Variants in IFT80 observed in about 807,000 individuals in gnomAD.
IFT80 encodes intraflagellar transport 80.
A neutral mutation model predicts 107.9 loss-of-function variants in IFT80; 79 were observed. The observed-to-expected ratio is 0.73, with a 90% confidence interval of 0.61 to 0.88. The LOEUF (loss-of-function observed/expected upper bound fraction) is 0.88. IFT80 is among the 40% of genes least tolerant of loss of function. The pLI is 0.00. For missense variants in IFT80, 797 were observed against 914.2 expected (o/e 0.87, Z 1.65); for synonymous variants, 299 against 300.9 (o/e 0.99, Z 0.07).
chr3:160,305,372 A>G (rs1478790908), intron 10 of IFT80, among the ~76,000 whole-genome samples: 1 of 152,178 alleles, frequency 6.6e-6, no homozygotes, highest in Non-Finnish European at 1.5e-5. Context: ...AATTACTGCT[A>G]ATAATTAGTG....
intron 1 of IFT80, among the ~76,000 whole-genome samples, chr3:160,398,314 T>C (rs1714018955): frequency 6.6e-6 from 1 of 152,122 alleles, no homozygotes; most frequent in African/African-American, 2.4e-5. Flanking sequence ...AGAACCATAA[T>C]GTATTTAGAG....
intron 18 of IFT80, among the ~76,000 whole-genome samples, chr3:160,269,788 A>G (rs1713655868): frequency 1.3e-5 from 2 of 152,188 alleles, no homozygotes; most frequent in Admixed American, 6.5e-5. Flanking sequence ...GTTTCAAAAT[A>G]AGATAACAGT....
intron 12 of IFT80, among the ~76,000 whole-genome samples, chr3:160,299,600 T>C (rs1199960922): frequency 6.6e-6 from 1 of 152,220 alleles, no homozygotes; most frequent in Non-Finnish European, 1.5e-5. Flanking sequence ...TAATTACTGA[T>C]GTGCTGTGTT....
At chr3:160,290,659 C>T (rs1008423397) in intron 12 of IFT80, among the ~76,000 whole-genome samples, 10 of 152,176 alleles carry the variant, frequency 6.6e-5, no homozygotes, top group African/African-American at 2.2e-4. Flanking sequence ...CGGCTCACTG[C>T]GAACTCTGCC....
chr3:160,278,631 C>T (rs946241880), intron 16 of IFT80, among the ~76,000 whole-genome samples: 2 of 152,050 alleles, frequency 1.3e-5, no homozygotes, highest in South Asian at 2.1e-4. Flanking sequence ...TGACAAACTC[C>T]GGGTATTTAC....
At chr3:160,391,123 T>C (rs1215040321) in intron 1 of IFT80, among the ~76,000 whole-genome samples, 1 of 152,210 alleles carries the variant, frequency 6.6e-6, no homozygotes, top group East Asian at 1.9e-4. Context: ...GGGGTAGCCC[T>C]GCTCCGCAAG....
chr3:160,312,277 T>A (rs1053980404), intron 9 of IFT80, among the ~76,000 whole-genome samples: 1 of 151,846 alleles, frequency 6.6e-6, no homozygotes, highest in East Asian at 1.9e-4. Flanking sequence ...ACTACACATA[T>A]GAAGCCCCAT....
chr3:160,266,896 G>A (rs1713377032), intron 19 of IFT80, among the ~76,000 whole-genome samples: 1 of 152,044 alleles, frequency 6.6e-6, no homozygotes, highest in South Asian at 2.1e-4. Flanking sequence ...GGGCTGCTTA[G>A]CACTGTTTTG....
At chr3:160,300,060 C>G (rs1407308369) in intron 12 of IFT80, among the ~76,000 whole-genome samples, 1 of 152,096 alleles carries the variant, frequency 6.6e-6, no homozygotes, top group Admixed American at 6.6e-5. Flanking sequence ...CTTTAACATG[C>G]CAGTTACTCT....
chr3:160,308,734 G>C (rs915036618), intron 9 of IFT80, among the ~76,000 whole-genome samples: 1 of 152,126 alleles, frequency 6.6e-6, no homozygotes, highest in African/African-American at 2.4e-5. Flanking sequence ...GTACTTCAAA[G>C]AAGTACTTAG....
At chr3:160,333,483 T>C (rs1281700532) in intron 8 of IFT80, among the ~76,000 whole-genome samples, 2 of 152,222 alleles carry the variant, frequency 1.3e-5, no homozygotes, top group Non-Finnish European at 2.9e-5. Flanking sequence ...GCTGTACAAA[T>C]ATATTTTCTT....
chr3:160,262,977 G>A (rs1712982083), intron 19 of IFT80, among the ~76,000 whole-genome samples: 1 of 152,030 alleles, frequency 6.6e-6, no homozygotes, highest in African/African-American at 2.4e-5. Flanking sequence ...CCTTGTCAAT[G>A]TCCTTTTGTG....
intron 19 of IFT80, among the ~76,000 whole-genome samples, chr3:160,267,962 T>C (rs1713473452): frequency 6.6e-6 from 1 of 152,174 alleles, no homozygotes; most frequent in South Asian, 2.1e-4. Flanking sequence ...TAGTGAAATC[T>C]ACCTAGGCTA....
chr3:160,328,399 T>C (rs1576816918), intron 8 of IFT80, among the ~76,000 whole-genome samples: 1 of 146,524 alleles, frequency 6.8e-6, no homozygotes, highest in Admixed American at 6.9e-5. Flanking sequence ...AAGGCGGAGG[T>C]TGCAGTGAGC....
In IFT80 at chr3:160,268,478, G is replaced by T. The variant is rs201820395; in HGVS notation, c.2158C>A (p.Gln720Lys). 340 of 1,613,266 alleles carry T rather than the reference G, an allele frequency of 2.1e-4. No individual in the cohort carries two copies. The highest frequency in any genetic ancestry group is 8.3e-4 in the Middle Eastern group (5 of 6,042). The change falls in exon 19 of 20, where the codon CAA (glutamine) becomes AAA (lysine). Residue 720 changes from glutamine (Q) to lysine (K), a missense_variant. Coordinates refer to ENST00000326448, the MANE Select transcript of IFT80 (RefSeq NM_020800.3). ...THVDTVLAYR[Q>K]KFLETFGKQE... ...TTACCAAATGTCTCCAAAAACTTTT[G>T]ACGGTAAGCAAGAACTGTATCAACA...
chr3:160,281,817 G>C (rs1296143067), intron 14 of IFT80, among the ~76,000 whole-genome samples: 48 of 152,180 alleles, frequency 3.2e-4, no homozygotes, highest in Non-Finnish European at 1.5e-5. Flanking sequence ...CACTATGCAT[G>C]TGGACAGCCC....
At position 160,307,797 on chromosome 3, in the gene IFT80, T is replaced by A; in HGVS notation, c.958-16A>T. 8.1e-7 allele frequency: 1 copy of A among 1,240,324 alleles called. No homozygotes were observed. Among genetic ancestry groups the A allele is most frequent in the Non-Finnish European group, 1.2e-6 (1 of 840,884 alleles). 76.8% of individuals were successfully genotyped at this position (1,240,324 alleles called of 1,614,324 possible). On this transcript the variant is annotated splice_polypyrimidine_tract_variant and intron_variant, in intron 9 of 19. Transcript: ENST00000326448. ...CATTACGAACCTAAACAAGGAAAAATAAAATACCAATAAACATTATAACAT... is the reference window on the plus strand; with the variant it reads ...CATTACGAACCTAAACAAGGAAAAAAAAAATACCAATAAACATTATAACAT...
At chr3:160,296,837 T>C (rs1461586800) in intron 12 of IFT80, among the ~76,000 whole-genome samples, 1 of 152,048 alleles carries the variant, frequency 6.6e-6, no homozygotes, top group Non-Finnish European at 1.5e-5. Context: ...CTAACTATCC[T>C]CTCTGTCTTG....
At chr3:160,324,969 ATTC>A (rs1404034916) in intron 8 of IFT80, among the ~76,000 whole-genome samples, 2 of 150,384 alleles carry the variant, frequency 1.3e-5, no homozygotes, top group African/African-American at 4.9e-5. Flanking sequence ...AATCACAAGC[ATTC>A]TTATACACCA....
Sources: gnomAD v4.1 joint callset for allele counts (sites outside exome capture counted in the v4.1 genomes callset) on GRCh38, gnomAD v4.1.1 for gene constraint, MANE v1.5 for transcripts, NCBI Gene and HGNC (gene_info 2026-07-23, HGNC 2026-07-21) for gene names.